The following AMBRA1 variants were observed in gnomAD, a reference collection of about 807,000 sequenced individuals.
The protein encoded by AMBRA1 is activating molecule in BECN1-regulated autophagy protein 1.
In AMBRA1, 47 loss-of-function variants were observed where a neutral mutation model predicts 125.4. The ratio of observed to expected loss-of-function variants is 0.37; its 90% CI spans 0.30 to 0.48. The LOEUF is 0.48. AMBRA1 is among the 20% of genes least tolerant of loss of function. The pLI, the probability that AMBRA1 is intolerant of heterozygous loss-of-function variation, is 0.99. For missense variants in AMBRA1, 1,331 were observed against 1,693.4 expected (o/e 0.79, Z 3.76); for synonymous variants, 626 against 655.5 (o/e 0.95, Z 0.69).
At chr11:46,464,233 T>A (rs925498847) in intron 11 of AMBRA1, among the ~76,000 whole-genome samples, 4 of 152,336 alleles carry the variant, frequency 2.6e-5, no homozygotes, top group South Asian at 2.1e-4. Flanking sequence ...TAAAATGTCA[T>A]CAGGACGCCC....
intron 11 of AMBRA1, among the ~76,000 whole-genome samples, chr11:46,465,931 G>A (rs1190457989): frequency 2.6e-5 from 4 of 152,174 alleles, no homozygotes; most frequent in Non-Finnish European, 5.9e-5. Context: ...TAAAGCCTTG[G>A]CCTTCAACCT....
rs180980282 is a variant in AMBRA1, at chr11:46,401,886, G to T, written c.3404-3943C>A. Among the ~76,000 whole-genome samples the T allele has an allele frequency of 4.1e-3, 617 of 152,316 alleles. 4 individuals are homozygous for T. Among genetic ancestry groups the T allele is most frequent in the Non-Finnish European group, 3.6e-3 (246 of 68,026 alleles). On this transcript the variant is annotated intron_variant, in intron 17 of 17. Coordinates refer to ENST00000683756, the MANE Select transcript of AMBRA1 (RefSeq NM_001387011.1). ...CCCAGCAGCTGCAAAAGCCCTCACAGTAGTCAAAACTCCTTAGCTTGACAT... is the reference window on the plus strand; with the variant it reads ...CCCAGCAGCTGCAAAAGCCCTCACATTAGTCAAAACTCCTTAGCTTGACAT...
At chr11:46,419,146 T>C (rs181637249) in intron 14 of AMBRA1, among the ~76,000 whole-genome samples, 3 of 152,344 alleles carry the variant, frequency 2.0e-5, no homozygotes, top group African/African-American at 7.2e-5. Context: ...CACAACTTGT[T>C]TCTAGCTTAT....
intron 5 of AMBRA1, among the ~76,000 whole-genome samples, chr11:46,545,166 G>GC (rs1952948342): frequency 1.6e-5 from 2 of 128,354 alleles, no homozygotes; most frequent in South Asian, 2.8e-4. Flanking sequence ...AAAGCCGGGG[G>GC]GGGGGGGGTG....
intron 7 of AMBRA1, among the ~76,000 whole-genome samples, chr11:46,538,503 G>GT (rs578236417): frequency 0.018 from 2,686 of 151,108 alleles, 84 homozygotes; most frequent in African/African-American, 0.062. Flanking sequence ...TAGTTTCTGG[G>GT]TTTTTTTTTA....
Position 46,545,914 on chromosome 11 carries a change from TAGA to T in AMBRA1, c.379-141_379-139del, listed in dbSNP as rs1016038283. On this transcript the variant is annotated intron_variant, in intron 4 of 17. Transcript: ENST00000683756. ...TAAATACATCCTCTGTAAAAAGATG[TAGA>T]AGATCAGCGATCTGGTAGTGCCACT... is the stretch of plus-strand genomic sequence containing the variant. 8.0e-6 allele frequency: 6 copies of T among 752,540 alleles called. No individual in the cohort carries two copies. The African/African-American group carries it at 8.8e-5, about 11-fold the overall frequency. 46.6% of individuals were successfully genotyped at this position (752,540 alleles called of 1,614,324 possible). A position where few individuals can be genotyped will look rare whatever the true frequency, so the allele number is the denominator to read the frequency against.
intron 1 of AMBRA1, among the ~76,000 whole-genome samples, chr11:46,564,163 A>C (rs977752585): frequency 6.6e-6 from 1 of 151,474 alleles, no homozygotes; most frequent in African/African-American, 2.4e-5. Flanking sequence ...AAAAAAAAAA[A>C]ACGTAAGAGC....
chr11:46,563,949 A>G (rs1256720753), intron 1 of AMBRA1, among the ~76,000 whole-genome samples: 2 of 151,756 alleles, frequency 1.3e-5, no homozygotes, highest in African/African-American at 4.8e-5. Context: ...GTTTGAGACC[A>G]GCCTGACCAA....
intron 7 of AMBRA1, among the ~76,000 whole-genome samples, chr11:46,527,478 A>AG (rs1952028766): frequency 1.8e-5 from 1 of 54,670 alleles, no homozygotes; most frequent in African/African-American, 5.5e-5. Flanking sequence ...AGACTGTCTC[A>AG]AAAAAAAAAA....
chr11:46,435,173 C>G, intron 12 of AMBRA1, 136 bp from the exon 13 acceptor site: 1 of 777,488 alleles, frequency 1.3e-6, no homozygotes, highest in Admixed American at 3.2e-5. Flanking sequence ...CCTTCTCATT[C>G]AAACTAAAAT....
chr11:46,488,385 G>T (rs551653929), intron 11 of AMBRA1, among the ~76,000 whole-genome samples: 9 of 152,210 alleles, frequency 5.9e-5, no homozygotes, highest in African/African-American at 1.9e-4. Flanking sequence ...GAACCCAAGA[G>T]GCGGAAGTTG....
At chr11:46,512,679 A>G in intron 8 of AMBRA1, 48 bp downstream of exon 8, 2 of 1,538,180 alleles carry the variant, frequency 1.3e-6, no homozygotes, top group African/African-American at 1.4e-5. Context: ...GGCAACCCCA[A>G]GGGCCGCCCC....
intron 11 of AMBRA1, among the ~76,000 whole-genome samples, chr11:46,464,056 AT>A (rs1261527579): frequency 6.6e-6 from 1 of 152,208 alleles, no homozygotes; most frequent in Non-Finnish European, 1.5e-5. Flanking sequence ...TGTTCAAAAG[AT>A]AAGTGGGGAT....
chr11:46,517,127 C>A (rs1478485911), intron 7 of AMBRA1, among the ~76,000 whole-genome samples: 1 of 150,668 alleles, frequency 6.6e-6, no homozygotes, highest in Non-Finnish European at 1.5e-5. Context: ...AATCATAACA[C>A]ACATGGATTA....
chr11:46,548,114 TC>T (rs2042883202), intron 2 of AMBRA1, 131 bp downstream of exon 2: 1 of 1,358,404 alleles, frequency 7.4e-7, no homozygotes, highest in Non-Finnish European at 1.0e-6. Context: ...TACAAACAAC[TC>T]CCTAAGTCAG....
chr11:46,465,345 C>A (rs924546250), intron 11 of AMBRA1, among the ~76,000 whole-genome samples: 21 of 152,304 alleles, frequency 1.4e-4, no homozygotes, highest in Non-Finnish European at 2.9e-5. Context: ...CTGTAAGGAA[C>A]AAACTATCCT....
At chr11:46,514,105 C>A (rs1437309198) in intron 7 of AMBRA1, among the ~76,000 whole-genome samples, 1 of 152,164 alleles carries the variant, frequency 6.6e-6, no homozygotes, top group African/African-American at 2.4e-5. Context: ...TTCCTAGGAA[C>A]AGGTCCCTGG....
chr11:46,578,908 A>C (rs974009213), intron 1 of AMBRA1, among the ~76,000 whole-genome samples: 1 of 126,434 alleles, frequency 7.9e-6, no homozygotes, highest in African/African-American at 2.9e-5. Flanking sequence ...AAAAAAAAAA[A>C]GTATAGAGCT....
intron 1 of AMBRA1, among the ~76,000 whole-genome samples, chr11:46,589,836 A>G (rs997036271): frequency 6.6e-6 from 1 of 151,192 alleles, no homozygotes; most frequent in African/African-American, 2.4e-5. Flanking sequence ...GTTAGCCAGG[A>G]TGGTCTCAAT....
Sources: allele counts gnomAD v4.1 joint callset (sites outside exome capture counted in the v4.1 genomes callset), GRCh38; gene constraint gnomAD v4.1.1; transcripts MANE v1.5; gene names NCBI Gene and HGNC (gene_info 2026-07-23, HGNC 2026-07-21).